UBE2H: variants seen among roughly 807,000 people sequenced by gnomAD.
The protein encoded by UBE2H is ubiquitin-conjugating enzyme E2 H.
A neutral mutation model predicts 29.0 loss-of-function variants in UBE2H; 3 were observed. The observed-to-expected ratio is 0.10, with a 90% confidence interval of 0.05 to 0.27. The LOEUF is 0.27. UBE2H is among the 10% of genes least tolerant of loss of function. UBE2H has a pLI of 1.00. For missense variants in UBE2H, 68 were observed against 228.2 expected (o/e 0.30, Z 4.52); for synonymous variants, 69 against 82.9 (o/e 0.83, Z 0.91).
At chr7:129,840,119 T>C (rs922981959) in intron 5 of UBE2H, among the ~76,000 whole-genome samples, 3 of 152,226 alleles carry the variant, frequency 2.0e-5, no homozygotes, top group Non-Finnish European at 2.9e-5. Flanking sequence ...TAGGAATCTA[T>C]ATGGACCACA....
At chr7:129,910,018 T>C (rs1051836492) in intron 1 of UBE2H, among the ~76,000 whole-genome samples, 1 of 151,858 alleles carries the variant, frequency 6.6e-6, no homozygotes, top group Admixed American at 6.6e-5. Flanking sequence ...GATGCAAGGC[T>C]TGAGGTGAAT....
intron 1 of UBE2H, among the ~76,000 whole-genome samples, chr7:129,935,930 C>T (rs1807519186): frequency 6.6e-6 from 1 of 152,114 alleles, no homozygotes; most frequent in South Asian, 2.1e-4. Flanking sequence ...ACTTCTTAAG[C>T]TACTATTTAA....
At chr7:129,924,296 A>C (rs1422024133) in intron 1 of UBE2H, among the ~76,000 whole-genome samples, 3 of 152,186 alleles carry the variant, frequency 2.0e-5, no homozygotes, top group Non-Finnish European at 4.4e-5. Context: ...ACAACACATC[A>C]TTACTAATGG....
chr7:129,932,602 G>A (rs976600449), intron 1 of UBE2H, among the ~76,000 whole-genome samples: 2 of 150,706 alleles, frequency 1.3e-5, no homozygotes, highest in African/African-American at 4.9e-5. Flanking sequence ...GTGAAACCCC[G>A]TCTCTACTAA....
At chr7:129,910,765 C>A (rs934146657) in intron 1 of UBE2H, among the ~76,000 whole-genome samples, 1 of 152,028 alleles carries the variant, frequency 6.6e-6, no homozygotes, top group Non-Finnish European at 1.5e-5. Flanking sequence ...ACCTATAATC[C>A]CAGCTACTCG....
intron 3 of UBE2H, among the ~76,000 whole-genome samples, chr7:129,873,910 T>C (rs1806094180): frequency 6.6e-6 from 1 of 152,208 alleles, no homozygotes; most frequent in Admixed American, 6.6e-5. Flanking sequence ...TACAGCCTGC[T>C]CCTAGTAGAG....
intron 1 of UBE2H, 144 bp from the exon 2 acceptor site, chr7:129,881,115 G>A: frequency 1.7e-6 from 1 of 605,532 alleles, no homozygotes; most frequent in Non-Finnish European, 2.8e-6. Flanking sequence ...TGGTAGTTTA[G>A]GAGGAGGCAA....
At chr7:129,871,218 T>G in intron 3 of UBE2H, among the ~76,000 whole-genome samples, 1 of 152,226 alleles carries the variant, frequency 6.6e-6, no homozygotes, top group East Asian at 1.9e-4. Flanking sequence ...CCAATAACTT[T>G]GTGAAACTGA....
At chr7:129,871,734 T>C (rs1258453471) in intron 3 of UBE2H, among the ~76,000 whole-genome samples, 3 of 145,522 alleles carry the variant, frequency 2.1e-5, no homozygotes, top group African/African-American at 2.5e-5. Flanking sequence ...AAAAAAGATA[T>C]AGATCACTAC....
At chr7:129,857,620 ATCT>A in intron 4 of UBE2H, 57 bp from the exon 5 acceptor site, 1 of 1,546,494 alleles carries the variant, frequency 6.5e-7, no homozygotes. Context: ...AGTTGCATGT[ATCT>A]GGCAACTAAT....
intron 1 of UBE2H, among the ~76,000 whole-genome samples, chr7:129,915,570 C>T (rs1031676717): frequency 1.3e-5 from 2 of 152,252 alleles, no homozygotes; most frequent in South Asian, 4.2e-4. Flanking sequence ...ACTACTGGTA[C>T]TTTCAGGCAG....
At chr7:129,915,870 C>G (rs557106991) in intron 1 of UBE2H, among the ~76,000 whole-genome samples, 2 of 152,264 alleles carry the variant, frequency 1.3e-5, no homozygotes, top group East Asian at 3.9e-4. Context: ...TACCACAGAT[C>G]GTTCTTTCAA....
chr7:129,893,814 A>G (rs56080853), intron 1 of UBE2H, among the ~76,000 whole-genome samples: 9,531 of 152,314 alleles, frequency 0.063, 368 homozygotes, highest in Non-Finnish European at 0.092. Context: ...AATTAGCAGT[A>G]TATTAGCTAA....
At chr7:129,880,011 T>C (rs1027046470) in intron 2 of UBE2H, among the ~76,000 whole-genome samples, 1 of 152,036 alleles carries the variant, frequency 6.6e-6, no homozygotes, top group Non-Finnish European at 1.5e-5. Context: ...TGGAAACCAT[T>C]CACGTGGCCA....
At chr7:129,925,465 T>G (rs781115395) in intron 1 of UBE2H, among the ~76,000 whole-genome samples, 1 of 152,118 alleles carries the variant, frequency 6.6e-6, no homozygotes, top group Non-Finnish European at 1.5e-5. Context: ...TATACAATAA[T>G]GCTCCCAAAT....
At position 129,836,879 on chromosome 7, in the gene UBE2H, C is replaced by CAAAAAAAA. The variant is rs61226846; in HGVS notation, c.428-1826_428-1819dup. On this transcript the variant is annotated intron_variant, in intron 6 of 6. Transcript: ENST00000355621. ...TAGGCGACAGGGCAAGACTCCGTCTCAAAAAAAAAAAAAAAAAAAAAAAAA... is the reference window on the plus strand; with the variant it reads ...TAGGCGACAGGGCAAGACTCCGTCTCAAAAAAAAAAAAAAAAAAAAAAAAAAAAAAAAA... Among the ~76,000 whole-genome samples the CAAAAAAAA allele has an allele frequency of 4.8e-3, 357 of 73,706 alleles. 27 individuals are homozygous for CAAAAAAAA. The highest frequency in any genetic ancestry group is 0.011 in the East Asian group (18 of 1,654). 48.4% of individuals were successfully genotyped at this position (73,706 alleles called of 152,430 possible). A position where few individuals can be genotyped will look rare whatever the true frequency, so the allele number is the denominator to read the frequency against.
chr7:129,927,203 T>C (rs1237908082), intron 1 of UBE2H, among the ~76,000 whole-genome samples: 1 of 152,202 alleles, frequency 6.6e-6, no homozygotes, highest in African/African-American at 2.4e-5. Flanking sequence ...ATGTTAATAA[T>C]AGAATTCAGT....
At position 129,952,686 on chromosome 7, in the gene UBE2H, T is replaced by A; in HGVS notation, c.-131A>T. The A allele has an allele frequency of 9.4e-7, 1 of 1,062,110 alleles. No individual in the cohort carries two copies. The allele number at this position is 1,062,110 out of a possible 1,614,324, so 65.8% of individuals were successfully genotyped here. On this transcript the variant is annotated 5_prime_UTR_variant, in exon 1 of 7. Transcript: ENST00000355621. ...CACCCCCGCGGTCCCGGCGGTCCCG[T>A]CAGCCGCCGCCGCCGCCCCCCGCAC...
intron 1 of UBE2H, among the ~76,000 whole-genome samples, chr7:129,884,917 G>A (rs1335237758): frequency 6.6e-6 from 1 of 152,018 alleles, no homozygotes; most frequent in Non-Finnish European, 1.5e-5. Context: ...TATACAATAG[G>A]TGGCTGGCTG....
Sources: allele counts gnomAD v4.1 joint callset (sites outside exome capture counted in the v4.1 genomes callset), GRCh38; gene constraint gnomAD v4.1.1; transcripts MANE v1.5; gene names NCBI Gene and HGNC (gene_info 2026-07-23, HGNC 2026-07-21).